The following MRPL16 variants were observed in gnomAD, a reference collection of about 807,000 sequenced individuals.
MRPL16 encodes mitochondrial ribosomal protein L16.
MRPL16 carries 17 observed loss-of-function variants against 22.7 expected under a neutral mutation model. The observed-to-expected ratio is 0.75, with a 90% confidence interval of 0.51 to 1.12. MRPL16 has a LOEUF of 1.12. Among genes scored for constraint, MRPL16 ranks in the 50% most tolerant of loss-of-function variants. The pLI is 0.00. For synonymous variants in MRPL16, 103 were observed against 112.8 expected (o/e 0.91, Z 0.55); for missense variants, 316 against 328.7 (o/e 0.96, Z 0.30).
Position 59,806,395 on chromosome 11 carries a change from G to A in MRPL16, c.708C>T (p.Thr236=). The A allele has an allele frequency of 6.2e-7, 1 of 1,614,176 alleles. No homozygotes were observed. Among genetic ancestry groups the A allele is most frequent in the Non-Finnish European group, 8.5e-7 (1 of 1,180,018 alleles). ...IRKVLSPYDL[T]HKGKYWGKFY... ...ACTTGCCCCAGTATTTCCCCTTGTG[G>A]GTCAAGTCATATGGGCTCAGTACTT... Residue 236 remains threonine, a synonymous_variant, in exon 4 of 4, where the codon ACC becomes ACT. Transcript: ENST00000300151.
chr11:59,810,343 G>T, intron 1 of MRPL16: 1 of 1,353,270 alleles, frequency 7.4e-7, no homozygotes, highest in Non-Finnish European at 9.5e-7. Flanking sequence ...TTGAGGTGTG[G>T]GATGCGGATT....
chr11:59,807,622 C>CT, intron 3 of MRPL16, 79 bp downstream of exon 3: 1 of 1,467,258 alleles, frequency 6.8e-7, no homozygotes, highest in Non-Finnish European at 9.2e-7. Context: ...GAGGAAGAGA[C>CT]TAAATTATCT....
In MRPL16 at chr11:59,806,815, G is replaced by A. The variant is rs767403909; in HGVS notation, c.288C>T (p.Tyr96=). The change falls in exon 4 of 4, where the codon TAC becomes TAT. Residue 96 remains tyrosine, a synonymous_variant. Transcript: ENST00000300151. ...TCATTTCAAAGTGGCCCCAATGCAG[G>A]TAGCCACCACCCAATGCCTAAAAGT... ...NFAILALGGG[Y]LHWGHFEMMR... is the part of the protein sequence containing the mutation. The A allele has an allele frequency of 6.2e-7, 1 of 1,608,492 alleles. No homozygotes were observed. Among genetic ancestry groups the A allele is most frequent in the Admixed American group, 1.7e-5 (1 of 59,950 alleles).
At position 59,810,705 on chromosome 11, in the gene MRPL16, G is replaced by A. The variant is rs779719448; in HGVS notation, c.-47C>T. Reference sequence around the variant, plus strand: ...CGGAGCTCCCCCAGCGACTCCGGCTGTCTCCTGCACCCAGGTAAGCAGCGG... The same window carrying A: ...CGGAGCTCCCCCAGCGACTCCGGCTATCTCCTGCACCCAGGTAAGCAGCGG... On this transcript the variant is annotated 5_prime_UTR_variant, in exon 1 of 4. Transcript: ENST00000300151. 1.2e-6 allele frequency: 2 copies of A among 1,611,186 alleles called. No homozygotes were observed. Among genetic ancestry groups the A allele is most frequent in the African/African-American group, 1.3e-5 (1 of 74,900 alleles).
chr11:59,810,755 G>T lies in MRPL16; in HGVS notation c.-97C>A. 1 of 1,392,632 alleles carries T rather than the reference G, an allele frequency of 7.2e-7. No homozygotes were observed. Among genetic ancestry groups the T allele is most frequent in the Non-Finnish European group, 1.0e-6 (1 of 990,704 alleles). The allele number at this position is 1,392,632 out of a possible 1,614,324, so 86.3% of individuals were successfully genotyped here. On this transcript the variant is annotated 5_prime_UTR_variant, in exon 1 of 4. Coordinates refer to ENST00000300151, the MANE Select transcript of MRPL16 (RefSeq NM_017840.4). Reference sequence around the variant, plus strand: ...GCGCTCCACTACCTAGCTGTAATCGGCTCAGGACACCGCTCAGTGGGGCCG... The same window carrying T: ...GCGCTCCACTACCTAGCTGTAATCGTCTCAGGACACCGCTCAGTGGGGCCG...
rs774324434 is a variant in MRPL16 at position 59,806,805 on chromosome 11, C to T, written c.298G>A (p.Gly100Ser). Residue 100 changes from glycine (G) to serine (S), a missense_variant, in exon 4 of 4, where the codon GGC becomes AGC. Gly to Ser is a moderately conservative substitution (Grantham distance 56). Transcript: ENST00000300151. Reference sequence around the variant, plus strand: ...GTCAGGCGCATCATTTCAAAGTGGCCCCAATGCAGGTAGCCACCACCCAAT... The same window carrying T: ...GTCAGGCGCATCATTTCAAAGTGGCTCCAATGCAGGTAGCCACCACCCAAT... ...LALGGGYLHW[G>S]HFEMMRLTIN... is the part of the protein sequence containing the mutation. 6.2e-7 allele frequency: 1 copy of T among 1,609,426 alleles called. No homozygotes were observed. Among genetic ancestry groups the T allele is most frequent in the Non-Finnish European group, 8.5e-7 (1 of 1,175,958 alleles).
At chr11:59,809,743 TGAAA>T (rs1417306825) in intron 2 of MRPL16, 108 bp downstream of exon 2, 21 of 909,964 alleles carry the variant, frequency 2.3e-5, no homozygotes, top group Non-Finnish European at 3.6e-5. Context: ...ACATATTTAT[TGAAA>T]GAGTGAACGG....
In MRPL16 at chr11:59,807,853, AAAG is replaced by A. The variant is rs1325654209; in HGVS notation, c.122-7_122-5del. On this transcript the variant is annotated splice_polypyrimidine_tract_variant and splice_region_variant and intron_variant, in intron 2 of 3. Transcript: ENST00000300151. ...GGTTTTTCAGGAATGGAAACATCTA[AAAG>A]AAGCACAGACAACCAGGATAAAGTA... 4.4e-6 allele frequency: 7 copies of A among 1,602,170 alleles called. No individual in the cohort carries two copies. Among genetic ancestry groups the A allele is most frequent in the South Asian group, 1.1e-5 (1 of 88,350 alleles).
rs1488650471 is a variant in MRPL16, at chr11:59,806,192, A to C, written c.*155T>G. The C allele has an allele frequency of 1.2e-6, 1 of 812,954 alleles. No individual in the cohort carries two copies. 50.4% of individuals were successfully genotyped at this position (812,954 alleles called of 1,614,324 possible). ...AATAAAAATACAGTTTTCTTTTTAA[A>C]TCAACAAATAACATTGTTTTTCAGA... On this transcript the variant is annotated 3_prime_UTR_variant, in exon 4 of 4. Coordinates refer to ENST00000300151, the MANE Select transcript of MRPL16 (RefSeq NM_017840.4).
rs1206630624 is a variant in MRPL16 at position 59,806,535 on chromosome 11, C to T, written c.568G>A (p.Val190Met). 1 of 1,614,260 alleles carries T rather than the reference C, an allele frequency of 6.2e-7. No homozygotes were observed. Among genetic ancestry groups the T allele is most frequent in the Non-Finnish European group, 8.5e-7 (1 of 1,180,050 alleles). ...ATCTTCTCTAGAGTCCCGCGGCTCA[C>T]AGCCTTTGCTGCGAAGGGCAACTTG... ...AHKLPFAAKA[V>M]SRGTLEKMRK... Residue 190 changes from valine (V) to methionine (M), a missense_variant, in exon 4 of 4, where the codon GTG (valine) becomes ATG (methionine). Physicochemically the swap from Val to Met is conservative, Grantham distance 21 (BLOSUM62 1). Coordinates refer to ENST00000300151, the MANE Select transcript of MRPL16 (RefSeq NM_017840.4).
At chr11:59,807,984 A>G (rs1390202413) in intron 2 of MRPL16, 135 bp from the exon 3 acceptor site, 6 of 1,053,036 alleles carry the variant, frequency 5.7e-6, no homozygotes, top group Non-Finnish European at 8.0e-6. Context: ...GGGTCTCACT[A>G]TGTTGCCCAG....
In MRPL16 at chr11:59,806,357, T is replaced by G; in HGVS notation, c.746A>C (p.Lys249Thr). Reference protein sequence around the residue: ...GKYWGKFYMPKRV With the variant: ...GKYWGKFYMPTRV ...TATCTCCTACACTCACTACACACGT[T>G]TGGGCATGTAGAACTTGCCCCAGTA... Residue 249 changes from lysine (K) to threonine (T), a missense_variant, in exon 4 of 4, where the codon AAA becomes ACA. Lys to Thr is a moderately conservative substitution (Grantham distance 78, BLOSUM62 -1). Coordinates refer to ENST00000300151, the MANE Select transcript of MRPL16 (RefSeq NM_017840.4). 1 of 1,614,134 alleles carries G rather than the reference T, an allele frequency of 6.2e-7. No homozygotes were observed. The highest frequency in any genetic ancestry group is 8.5e-7 in the Non-Finnish European group (1 of 1,179,958).
intron 3 of MRPL16, chr11:59,807,094 A>G (rs1030141271): frequency 2.0e-5 from 9 of 443,250 alleles, no homozygotes; most frequent in African/African-American, 1.6e-4. Flanking sequence ...TAGCCAAGGG[A>G]AAAGAGAGGA....
intron 1 of MRPL16, 45 bp downstream of exon 1, chr11:59,810,559 G>A (rs1270245391): frequency 1.2e-6 from 2 of 1,612,090 alleles, no homozygotes; most frequent in African/African-American, 2.7e-5. Context: ...GAGGGTGGGG[G>A]AGGAAGAGGG....
intron 3 of MRPL16, 88 bp downstream of exon 3, chr11:59,807,613 A>G: frequency 3.5e-6 from 5 of 1,418,012 alleles, no homozygotes; most frequent in African/African-American, 1.4e-5. Context: ...AAAACTGTGG[A>G]GGAAGAGACT....
Position 59,807,764 on chromosome 11 carries a change from T to G in MRPL16, c.207A>C (p.Leu69Phe). Residue 69 changes from leucine to phenylalanine, a missense_variant, in exon 3 of 4, where the codon TTA (leucine) becomes TTC (phenylalanine). Coordinates refer to ENST00000300151, the MANE Select transcript of MRPL16 (RefSeq NM_017840.4). The stretch of plus-strand genomic sequence containing the variant: ...CAGTGGAAGGTCCCCGTATGTCACT[T>G]AAATTTTTAGGTTCTCTTCTTACTT... ...VPKVRREPKN[L>F]SDIRGPSTEA... is the part of the protein sequence containing the mutation. 6.2e-7 allele frequency: 1 copy of G among 1,613,854 alleles called. No individual in the cohort carries two copies. The highest frequency in any genetic ancestry group is 8.5e-7 in the Non-Finnish European group (1 of 1,179,906).
At position 59,806,527 on chromosome 11, in the gene MRPL16, G is replaced by A. The variant is rs141150956; in HGVS notation, c.576C>T (p.Arg192=). The A allele has an allele frequency of 1.6e-4, 265 of 1,614,190 alleles. No individual in the cohort carries two copies. Among genetic ancestry groups the A allele is most frequent in the Admixed American group, 1.8e-4 (11 of 60,028 alleles). The change falls in exon 4 of 4, where the codon CGC becomes CGT. Residue 192 remains arginine, a synonymous_variant. Coordinates refer to ENST00000300151, the MANE Select transcript of MRPL16 (RefSeq NM_017840.4). ...CTTTTCGCATCTTCTCTAGAGTCCCGCGGCTCACAGCCTTTGCTGCGAAGG... is the reference window on the plus strand; with the variant it reads ...CTTTTCGCATCTTCTCTAGAGTCCCACGGCTCACAGCCTTTGCTGCGAAGG... ...KLPFAAKAVS[R]GTLEKMRKDQ... is the part of the protein sequence containing the mutation.
intron 2 of MRPL16, 179 bp downstream of exon 2, chr11:59,809,670 CCTTTGT>C (rs1866153243): frequency 1.6e-6 from 1 of 643,538 alleles, no homozygotes; most frequent in Non-Finnish European, 2.6e-6. Context: ...TTTTTGGTTT[CCTTTGT>C]CTTTGATTTA....
intron 2 of MRPL16, among the ~76,000 whole-genome samples, chr11:59,809,306 G>GAT (rs141023399): frequency 6.7e-6 from 1 of 150,034 alleles, no homozygotes; most frequent in Non-Finnish European, 1.5e-5. Flanking sequence ...AAAAGTTCAG[G>GAT]TTTTTTTTTT....
Sources: gnomAD v4.1 joint callset for allele counts (sites outside exome capture counted in the v4.1 genomes callset) on GRCh38, gnomAD v4.1.1 for gene constraint, MANE v1.5 for transcripts, NCBI Gene and HGNC (gene_info 2026-07-23, HGNC 2026-07-21) for gene names.